The following PTPRK variants were observed in gnomAD, a reference collection of about 807,000 sequenced individuals.
PTPRK encodes the protein receptor-type tyrosine-protein phosphatase kappa.
PTPRK carries 75 observed loss-of-function variants against 178.0 expected under a neutral mutation model. That is an observed-to-expected ratio of 0.42 (90% CI 0.35 to 0.51). The LOEUF is 0.51. PTPRK is among the 20% of genes least tolerant of loss of function. The pLI, the probability that PTPRK is intolerant of heterozygous loss-of-function variation, is 0.02. For synonymous variants in PTPRK, 637 were observed against 620.6 expected (o/e 1.03, Z -0.39); for missense variants, 1,441 against 1,797.8 (o/e 0.80, Z 3.59).
chr6:128,427,430 G>A (rs1316652109), intron 1 of PTPRK, among the ~76,000 whole-genome samples: 1 of 152,116 alleles, frequency 6.6e-6, no homozygotes, highest in African/African-American at 2.4e-5. Flanking sequence ...TGGCTGAAGA[G>A]CCACTCCTAT....
At chr6:128,226,255 C>G (rs1811274485) in intron 5 of PTPRK, among the ~76,000 whole-genome samples, 1 of 152,172 alleles carries the variant, frequency 6.6e-6, no homozygotes, top group Non-Finnish European at 1.5e-5. Flanking sequence ...GATGAGAATA[C>G]TCTGTGAGAT....
At chr6:128,360,912 C>T (rs983638195) in intron 2 of PTPRK, among the ~76,000 whole-genome samples, 1 of 152,048 alleles carries the variant, frequency 6.6e-6, no homozygotes, top group Non-Finnish European at 1.5e-5. Flanking sequence ...ATGAAATAAC[C>T]TGTGTCATAA....
chr6:128,232,330 C>T (rs1238070908), intron 5 of PTPRK, among the ~76,000 whole-genome samples: 1 of 152,196 alleles, frequency 6.6e-6, no homozygotes, highest in East Asian at 1.9e-4. Flanking sequence ...CAGTACAGTC[C>T]TTAGACTCTA....
At chr6:128,453,966 C>G (rs1848099641) in intron 1 of PTPRK, among the ~76,000 whole-genome samples, 1 of 152,122 alleles carries the variant, frequency 6.6e-6, no homozygotes, top group African/African-American at 2.4e-5. Context: ...TAATTCCAGA[C>G]ACTCTATGGA....
At position 128,332,234 on chromosome 6, in the gene PTPRK, T is replaced by C. The variant is rs976125761; in HGVS notation, c.224-9924A>G. ...AATTTCCAGTTTCATCTTTATGACA[T>C]AGGAAACCTATGTCATAAATAGTTA... is the stretch of plus-strand genomic sequence containing the variant. On this transcript the variant is annotated intron_variant, in intron 2 of 29. Coordinates refer to ENST00000368226, the MANE Select transcript of PTPRK (RefSeq NM_002844.4). 2.0e-5 allele frequency among the ~76,000 whole-genome samples: 3 copies of C among 152,324 alleles called. No homozygotes were observed. The South Asian group carries it at 6.2e-4, about 32-fold the overall frequency.
At chr6:128,259,165 G>C (rs1583752244) in intron 3 of PTPRK, among the ~76,000 whole-genome samples, 1 of 152,048 alleles carries the variant, frequency 6.6e-6, no homozygotes, top group African/African-American at 2.4e-5. Context: ...AAAACAAACA[G>C]GAGATGACAA....
intron 7 of PTPRK, among the ~76,000 whole-genome samples, chr6:128,181,274 G>C (rs1801866596): frequency 6.6e-6 from 1 of 152,010 alleles, no homozygotes; most frequent in Admixed American, 6.6e-5. Context: ...AAAGGTCAAT[G>C]CCTCAAATAC....
In PTPRK at chr6:128,100,471, A is replaced by C. The variant is rs571152084; in HGVS notation, c.1163-10479T>G. On this transcript the variant is annotated intron_variant, in intron 7 of 29. Transcript: ENST00000368226. ...GCTGCTATATATTTTATGTCCAGTA[A>C]TTTTAAGGACTGAGGTTGTCCAGAA... Among the ~76,000 whole-genome samples, 9 of 152,102 alleles carry C rather than the reference A, an allele frequency of 5.9e-5. No homozygotes were observed. In the South Asian group the frequency reaches 1.9e-3, roughly 32 times the overall value.
At chr6:128,094,682 A>G (rs1787607101) in intron 7 of PTPRK, among the ~76,000 whole-genome samples, 1 of 152,314 alleles carries the variant, frequency 6.6e-6, no homozygotes, top group South Asian at 2.1e-4. Flanking sequence ...AGCAAGGCAT[A>G]CGAGCAATAC....
At chr6:128,059,147 AT>A in intron 13 of PTPRK, among the ~76,000 whole-genome samples, 1 of 151,952 alleles carries the variant, frequency 6.6e-6, no homozygotes, top group Non-Finnish European at 1.5e-5. Context: ...TTGCATTTCC[AT>A]TTTGTCTTTA....
chr6:128,486,782 A>C (rs919346787), intron 1 of PTPRK, among the ~76,000 whole-genome samples: 1 of 151,978 alleles, frequency 6.6e-6, no homozygotes, highest in Admixed American at 6.5e-5. Context: ...TGTAGAAAGA[A>C]AGAAAGACAG....
chr6:128,272,405 A>G (rs550191648), intron 3 of PTPRK, among the ~76,000 whole-genome samples: 26 of 152,340 alleles, frequency 1.7e-4, no homozygotes, highest in African/African-American at 6.3e-4. Flanking sequence ...AGAAACTACC[A>G]TCAGAGTGAA....
chr6:128,354,221 T>TTTTG (rs1188745802), intron 2 of PTPRK, among the ~76,000 whole-genome samples: 1 of 134,060 alleles, frequency 7.5e-6, no homozygotes, highest in Admixed American at 8.5e-5. Context: ...TATTTTGGTT[T>TTTTG]TTTGTTTATG....
In PTPRK at chr6:128,027,419, C is replaced by G. The variant is rs1366401253; in HGVS notation, c.2195-18151G>C. Among the ~76,000 whole-genome samples, 6 of 152,054 alleles carry G rather than the reference C, an allele frequency of 3.9e-5. No homozygotes were observed. In the East Asian group the frequency reaches 1.2e-3, roughly 29 times the overall value. On this transcript the variant is annotated intron_variant, in intron 13 of 29. Coordinates refer to ENST00000368226, the MANE Select transcript of PTPRK (RefSeq NM_002844.4). ...AAATGCATAAAACAGTACCCACATT[C>G]AAAGAGTTCAAAGAGTCCTTCAGGA...
intron 7 of PTPRK, among the ~76,000 whole-genome samples, chr6:128,117,009 G>T (rs1791640820): frequency 6.6e-6 from 1 of 152,206 alleles, no homozygotes; most frequent in South Asian, 2.1e-4. Flanking sequence ...AGCAGGGCAT[G>T]GTGGCGGGTG....
intron 3 of PTPRK, among the ~76,000 whole-genome samples, chr6:128,243,375 T>C (rs1197424317): frequency 2.7e-5 from 4 of 150,592 alleles, no homozygotes; most frequent in African/African-American, 9.8e-5. Context: ...GTGCTGTGGC[T>C]GGGTGCGGTA....
chr6:128,050,120 C>G (rs1218132872), intron 13 of PTPRK, among the ~76,000 whole-genome samples: 1 of 149,548 alleles, frequency 6.7e-6, no homozygotes, highest in Admixed American at 6.6e-5. Context: ...TGGGCAACAA[C>G]AGTGAAATTC....
chr6:128,006,680 TTA>T (rs1239257869), intron 14 of PTPRK, among the ~76,000 whole-genome samples: 19 of 151,062 alleles, frequency 1.3e-4, no homozygotes, highest in Non-Finnish European at 2.7e-4. Context: ...AATTTCAAAT[TTA>T]TGTTTGAGTT....
Position 128,299,892 on chromosome 6 carries a change from A to C in PTPRK, c.495+22147T>G, listed in dbSNP as rs537073181. Among the ~76,000 whole-genome samples the C allele has an allele frequency of 4.6e-5, 7 of 152,280 alleles. No individual in the cohort carries two copies. The South Asian group carries it at 1.5e-3, about 32-fold the overall frequency. ...CAAATGGGATCTAATTAAACTAAAGAGCCTCTGCACAGCAAAAGAAACTAC... is the reference window on the plus strand; with the variant it reads ...CAAATGGGATCTAATTAAACTAAAGCGCCTCTGCACAGCAAAAGAAACTAC... On this transcript the variant is annotated intron_variant, in intron 3 of 29. Transcript: ENST00000368226.
Sources: gnomAD v4.1 joint callset for allele counts (sites outside exome capture counted in the v4.1 genomes callset) on GRCh38, gnomAD v4.1.1 for gene constraint, MANE v1.5 for transcripts, NCBI Gene and HGNC (gene_info 2026-07-23, HGNC 2026-07-21) for gene names.